The following CAPRIN2 variants were observed in gnomAD, a reference collection of about 807,000 sequenced individuals.
CAPRIN2 encodes the protein caprin family member 2, also known as caprin-2.
CAPRIN2 carries 66 observed loss-of-function variants against 130.4 expected under a neutral mutation model. The observed-to-expected ratio is 0.51, with a 90% CI of 0.42 to 0.62. CAPRIN2 has a LOEUF of 0.62. CAPRIN2 is among the 20% of genes least tolerant of loss of function. CAPRIN2 has a pLI of 0.00. For missense variants in CAPRIN2, 1,185 were observed against 1,246.6 expected, an observed-to-expected ratio of 0.95 and a Z score of 0.74; for synonymous variants, 471 against 444.1, an observed-to-expected ratio of 1.06 and a Z score of -0.76.
chr12:30,715,475 T>A (rs1436750921), intron 13 of CAPRIN2: 1 of 461,722 alleles, frequency 2.2e-6, no homozygotes, highest in Non-Finnish European at 4.3e-6. Flanking sequence ...ATTTTCAGAA[T>A]CAGAAAGTAG....
At position 30,734,910 on chromosome 12, in the gene CAPRIN2, C is replaced by T. The variant is rs2064063940; in HGVS notation, c.809+58G>A. 6.5e-6 allele frequency: 7 copies of T among 1,073,566 alleles called. No individual in the cohort carries two copies. The African/African-American group carries it at 1.1e-4, about 17-fold the overall frequency. 66.5% of individuals were successfully genotyped at this position (1,073,566 alleles called of 1,614,324 possible). A position where few individuals can be genotyped will look rare whatever the true frequency, so the allele number is the denominator to read the frequency against. ...CACTCTCTCTCTCACATACACACAC[C>T]CCTAAAAAGCTAAAGTGTCAAGTGT... On this transcript the variant is annotated intron_variant, in intron 4 of 16. Transcript: ENST00000298892.
At chr12:30,731,462 A>G (rs1457549744) in exon 6 of CAPRIN2, 1 of 1,613,100 alleles carries the variant, frequency 6.2e-7, no homozygotes, top group South Asian at 1.1e-5. Context: ...GATACTTTCA[A>G]AATAGCCTGA....
intron 11 of CAPRIN2, among the ~76,000 whole-genome samples, chr12:30,722,512 A>G (rs2059706686): frequency 1.3e-5 from 2 of 151,312 alleles, no homozygotes; most frequent in African/African-American, 4.9e-5. Context: ...AACCCTAAAC[A>G]GCTAGAACAA....
At chr12:30,751,193 T>TAA (rs2073658608) in intron 1 of CAPRIN2, 60 bp from the exon 3 acceptor site, 7 of 1,314,450 alleles carry the variant, frequency 5.3e-6, no homozygotes, top group East Asian at 2.3e-5. Context: ...GCAAATAAAG[T>TAA]AAATGCCAGA....
intron 12 of CAPRIN2, among the ~76,000 whole-genome samples, chr12:30,716,991 G>A (rs1013943015): frequency 1.4e-4 from 22 of 152,184 alleles, no homozygotes; most frequent in Non-Finnish European, 1.5e-5. Context: ...TTGCCGGTGG[G>A]AATGCAAAAT....
chr12:30,744,513 C>T (rs577142482), intron 2 of CAPRIN2, among the ~76,000 whole-genome samples: 48 of 152,278 alleles, frequency 3.2e-4, no homozygotes, highest in African/African-American at 1.0e-3. Flanking sequence ...AGAGCCTTTA[C>T]GCATGCAAGC....
At chr12:30,739,489 A>C (rs2066377793) in intron 3 of CAPRIN2, among the ~76,000 whole-genome samples, 1 of 152,188 alleles carries the variant, frequency 6.6e-6, no homozygotes, top group South Asian at 2.1e-4. Flanking sequence ...TAATCTATAC[A>C]ACAAATCCCC....
Position 30,727,847 on chromosome 12 carries a change from T to A in CAPRIN2, c.1782+801A>T, listed in dbSNP as rs190976537. ...TCAAATCCTTCCCCCAATACTGAAA[T>A]ATCTGCAACCACCATAAACCTTCTT... On this transcript the variant is annotated intron_variant, in intron 8 of 16. Transcript: ENST00000298892. Among the ~76,000 whole-genome samples the A allele has an allele frequency of 3.2e-3, 482 of 152,258 alleles. 6 individuals are homozygous for A. Among genetic ancestry groups the A allele is most frequent in the African/African-American group, 8.6e-3 (357 of 41,544 alleles).
chr12:30,729,262 A>G, exon 8 of CAPRIN2: 1 of 1,607,904 alleles, frequency 6.2e-7, no homozygotes, highest in African/African-American at 1.3e-5. Context: ...TCTGCTTCCC[A>G]AGGTTGCTCT....
chr12:30,711,622 A>T (rs1232864453), exon 16 of CAPRIN2: 1 of 1,612,964 alleles, frequency 6.2e-7, no homozygotes, highest in African/African-American at 1.3e-5. Flanking sequence ...ACACTGCTGG[A>T]AATTATCCTA....
At chr12:30,728,959 G>C in exon 8 of CAPRIN2, 1 of 1,614,140 alleles carries the variant, frequency 6.2e-7, no homozygotes, top group Non-Finnish European at 8.5e-7. Flanking sequence ...GGTGTCTCCT[G>C]TTTCTTTTGT....
chr12:30,714,204 C>T (rs1337698784), intron 14 of CAPRIN2, among the ~76,000 whole-genome samples: 1 of 152,190 alleles, frequency 6.6e-6, no homozygotes, highest in Non-Finnish European at 1.5e-5. Context: ...TTTTTATAGG[C>T]AGTGCCTCGC....
At chr12:30,747,709 A>G (rs1048462437) in intron 2 of CAPRIN2, among the ~76,000 whole-genome samples, 2 of 152,160 alleles carry the variant, frequency 1.3e-5, no homozygotes, top group Admixed American at 6.5e-5. Context: ...ACACATTTAG[A>G]TAAGGCTAGA....
chr12:30,716,821 C>A (rs541392144), intron 12 of CAPRIN2, 145 bp from the exon 15 acceptor site: 2 of 641,908 alleles, frequency 3.1e-6, no homozygotes, highest in Non-Finnish European at 5.4e-6. Flanking sequence ...AGATAAATGG[C>A]AAATAAGCAC....
chr12:30,716,594 C>G (rs368121707), exon 13 of CAPRIN2: 62 of 1,613,856 alleles, frequency 3.8e-5, no homozygotes, highest in Non-Finnish European at 5.0e-5. Context: ...TGTGGTAAAA[C>G]TTTGATTGTA....
At chr12:30,731,401 C>T (rs2062638811) in exon 6 of CAPRIN2, 2 of 1,613,072 alleles carry the variant, frequency 1.2e-6, no homozygotes, top group Non-Finnish European at 1.7e-6. Flanking sequence ...ATTGTATTAG[C>T]ATTTCTTCCT....
At chr12:30,754,923 AC>A (rs1423369977), upstream of CAPRIN2, 1 of 151,242 alleles carries the variant, frequency 6.6e-6, no homozygotes, top group East Asian at 2.0e-4. Flanking sequence ...GGCGCCAGAG[AC>A]CCAGCCGACT....
At chr12:30,731,595 T>C in intron 5 of CAPRIN2, 85 bp from the exon 7 acceptor site, 1 of 1,077,068 alleles carries the variant, frequency 9.3e-7, no homozygotes, top group Non-Finnish European at 1.4e-6. Context: ...ATCCTAGTTG[T>C]AGTACATTGT....
rs767487061 is a variant in CAPRIN2 at position 30,723,250 on chromosome 12, G to C, written c.2043+9C>G. 8 of 1,597,788 alleles carry C rather than the reference G, an allele frequency of 5.0e-6. No homozygotes were observed. The highest frequency in any genetic ancestry group is 6.9e-6 in the Non-Finnish European group (8 of 1,165,926). On this transcript the variant is annotated intron_variant, in intron 11 of 16. Transcript: ENST00000298892. ...CAGCAAAGAATAAAAGATTAATTTGGAAAGTTACCTGTAACGGCTCTTGAA... is the reference window on the plus strand; with the variant it reads ...CAGCAAAGAATAAAAGATTAATTTGCAAAGTTACCTGTAACGGCTCTTGAA...
Sources: gnomAD v4.1 joint callset for allele counts (sites outside exome capture counted in the v4.1 genomes callset) on GRCh38, gnomAD v4.1.1 for gene constraint, MANE v1.5 for transcripts, NCBI Gene and HGNC (gene_info 2026-07-23, HGNC 2026-07-21) for gene names.